The following AOAH variants were observed in gnomAD, a reference collection of about 807,000 sequenced individuals.
AOAH encodes acyloxyacyl hydrolase (neutrophil).
Under a neutral mutation model 92.2 loss-of-function variants are expected in AOAH, and 64 were observed. The observed-to-expected ratio is 0.69, with a 90% confidence interval of 0.57 to 0.86. AOAH has a LOEUF of 0.86. AOAH is among the 40% of genes least tolerant of loss of function. The pLI, the probability that AOAH is intolerant of heterozygous loss-of-function variation, is 0.00. For missense variants in AOAH, 656 were observed against 694.6 expected, an observed-to-expected ratio of 0.94 and a Z score of 0.62; for synonymous variants, 263 against 254.5, an observed-to-expected ratio of 1.03 and a Z score of -0.32.
intron 16 of AOAH, among the ~76,000 whole-genome samples, chr7:36,536,096 AGT>A (rs1785038930): frequency 1.3e-5 from 2 of 152,048 alleles, no homozygotes; most frequent in South Asian, 4.1e-4. Flanking sequence ...CCCTGGCAGG[AGT>A]GAGACACCCA....
At chr7:36,666,687 T>C (rs940777011) in intron 3 of AOAH, among the ~76,000 whole-genome samples, 6 of 152,112 alleles carry the variant, frequency 3.9e-5, no homozygotes, top group African/African-American at 1.4e-4. Flanking sequence ...TTTATGTTTT[T>C]CTAATATAGT....
intron 1 of AOAH, among the ~76,000 whole-genome samples, chr7:36,716,548 C>T (rs1375631765): frequency 6.7e-6 from 1 of 149,128 alleles, no homozygotes; most frequent in East Asian, 2.0e-4. Context: ...GCACTATTCA[C>T]AATAGCAAAG....
intron 12 of AOAH, among the ~76,000 whole-genome samples, chr7:36,581,048 G>A (rs1788894843): frequency 1.3e-5 from 2 of 152,132 alleles, no homozygotes; most frequent in Admixed American, 1.3e-4. Context: ...TCCAGAGTAT[G>A]GGAGGGGCAG....
chr7:36,591,469 T>G (rs1381733088), intron 12 of AOAH, among the ~76,000 whole-genome samples: 2 of 152,234 alleles, frequency 1.3e-5, no homozygotes, highest in African/African-American at 4.8e-5. Context: ...GATGGTCACT[T>G]ACTTTGTGAG....
chr7:36,644,795 T>C (rs1375024022), intron 4 of AOAH, among the ~76,000 whole-genome samples: 1 of 151,980 alleles, frequency 6.6e-6, no homozygotes, highest in Non-Finnish European at 1.5e-5. Flanking sequence ...AAATGTGCCT[T>C]TGTTCACTTC....
At chr7:36,549,939 C>A (rs998494208) in intron 13 of AOAH, among the ~76,000 whole-genome samples, 1 of 152,186 alleles carries the variant, frequency 6.6e-6, no homozygotes, top group African/African-American at 2.4e-5. Flanking sequence ...ACTCCCAAGG[C>A]TCCCGCAGGC....
chr7:36,560,798 C>T (rs1199218187), intron 13 of AOAH, among the ~76,000 whole-genome samples: 1 of 152,160 alleles, frequency 6.6e-6, no homozygotes, highest in Non-Finnish European at 1.5e-5. Context: ...AGTGGGCATC[C>T]TCTTCTTGCT....
chr7:36,527,050 G>T (rs1272482825), intron 19 of AOAH, among the ~76,000 whole-genome samples: 2 of 152,218 alleles, frequency 1.3e-5, no homozygotes, highest in Non-Finnish European at 2.9e-5. Flanking sequence ...GTGTGGTGCA[G>T]ACAAAGAAAA....
chr7:36,623,335 T>C, intron 6 of AOAH, 85 bp from the exon 7 acceptor site: 3 of 1,219,088 alleles, frequency 2.5e-6, no homozygotes, highest in Non-Finnish European at 3.6e-6. Flanking sequence ...CATTTTCTGA[T>C]ACAGCTCTGT....
intron 1 of AOAH, among the ~76,000 whole-genome samples, chr7:36,718,427 G>A (rs556152628): frequency 5.9e-5 from 9 of 152,196 alleles, no homozygotes; most frequent in African/African-American, 1.7e-4. Flanking sequence ...TGGTATTACC[G>A]CATGCCCTAG....
At chr7:36,653,109 A>T (rs1794682471) in intron 4 of AOAH, among the ~76,000 whole-genome samples, 1 of 152,216 alleles carries the variant, frequency 6.6e-6, no homozygotes, top group Non-Finnish European at 1.5e-5. Flanking sequence ...TATTACCAAA[A>T]AACGTTTATT....
intron 20 of AOAH, among the ~76,000 whole-genome samples, chr7:36,514,022 G>C (rs1308707304): frequency 2.6e-5 from 4 of 152,186 alleles, no homozygotes; most frequent in Non-Finnish European, 4.4e-5. Flanking sequence ...GCAGGCCTAA[G>C]GCTTGGGTTT....
At chr7:36,556,747 T>G (rs1337657546) in intron 13 of AOAH, among the ~76,000 whole-genome samples, 17 of 137,024 alleles carry the variant, frequency 1.2e-4, no homozygotes, top group Admixed American at 3.0e-4. Context: ...AATGGCCTTC[T>G]TTGTCTCTTT....
chr7:36,534,409 G>T (rs979621966), intron 16 of AOAH, among the ~76,000 whole-genome samples: 1 of 152,214 alleles, frequency 6.6e-6, no homozygotes, highest in African/African-American at 2.4e-5. Flanking sequence ...CAGGATGAGG[G>T]CACATTAGGT....
At chr7:36,577,298 G>C (rs1029249705) in intron 12 of AOAH, among the ~76,000 whole-genome samples, 1 of 152,104 alleles carries the variant, frequency 6.6e-6, no homozygotes, top group African/African-American at 2.4e-5. Context: ...ATGATTGAAT[G>C]GTGATTCTGG....
intron 3 of AOAH, among the ~76,000 whole-genome samples, chr7:36,670,066 G>GTT (rs200284787): frequency 4.7e-4 from 70 of 150,514 alleles, no homozygotes; most frequent in African/African-American, 9.5e-4. Flanking sequence ...TCCTTTTTTT[G>GTT]TTTTTTTTTT....
chr7:36,572,753 T>C (rs546820113), intron 13 of AOAH, among the ~76,000 whole-genome samples: 25 of 152,298 alleles, frequency 1.6e-4, no homozygotes, highest in African/African-American at 5.5e-4. Context: ...ATCTGGTCAG[T>C]CACACACCAG....
intron 13 of AOAH, among the ~76,000 whole-genome samples, chr7:36,567,337 C>G (rs1787786224): frequency 6.6e-6 from 1 of 152,112 alleles, no homozygotes; most frequent in African/African-American, 2.4e-5. Context: ...AGAGCAAGGC[C>G]TTTAGTATGA....
At chr7:36,719,826 C>T (rs931559018) in intron 1 of AOAH, among the ~76,000 whole-genome samples, 1 of 151,984 alleles carries the variant, frequency 6.6e-6, no homozygotes, top group Non-Finnish European at 1.5e-5. Flanking sequence ...GTCCCAGTTA[C>T]ACAGGAGGCT....
Sources: gnomAD v4.1 joint callset for allele counts (sites outside exome capture counted in the v4.1 genomes callset) on GRCh38, gnomAD v4.1.1 for gene constraint, MANE v1.5 for transcripts, NCBI Gene and HGNC (gene_info 2026-07-23, HGNC 2026-07-21) for gene names.